The following GHR variants were observed in gnomAD, a reference collection of about 807,000 sequenced individuals.
GHR encodes growth hormone receptor, also known as GH receptor.
Under a neutral mutation model 67.1 loss-of-function variants are expected in GHR, and 35 were observed. The ratio of observed to expected loss-of-function variants is 0.52; its 90% CI spans 0.40 to 0.69. The LOEUF is 0.69. GHR is among the 30% of genes least tolerant of loss of function. The pLI, the probability that GHR is intolerant of heterozygous loss-of-function variation, is 0.00. For missense variants in GHR, 792 were observed against 764.6 expected, an observed-to-expected ratio of 1.04 and a Z score of -0.42; for synonymous variants, 272 against 269.1, an observed-to-expected ratio of 1.01 and a Z score of -0.10.
At chr5:42,657,379 A>G (rs550540861) in intron 3 of GHR, among the ~76,000 whole-genome samples, 41 of 152,314 alleles carry the variant, frequency 2.7e-4, no homozygotes, top group African/African-American at 9.9e-4. Context: ...TAGTGTTTTT[A>G]GAGTCCTTTT....
chr5:42,517,351 C>G (rs1747283130), intron 1 of GHR, among the ~76,000 whole-genome samples: 1 of 152,112 alleles, frequency 6.6e-6, no homozygotes, highest in Admixed American at 6.6e-5. Flanking sequence ...ATTGAAAGCT[C>G]CAGGAAGGCA....
At chr5:42,437,389 T>G (rs1222386647) in intron 1 of GHR, among the ~76,000 whole-genome samples, 1 of 152,190 alleles carries the variant, frequency 6.6e-6, no homozygotes, top group Non-Finnish European at 1.5e-5. Context: ...CCTCAGGGAC[T>G]ATTGGATGTC....
chr5:42,429,046 T>G (rs1252380784), intron 1 of GHR, among the ~76,000 whole-genome samples: 1 of 152,210 alleles, frequency 6.6e-6, no homozygotes, highest in Non-Finnish European at 1.5e-5. Flanking sequence ...CATTACCAAC[T>G]TACTATATTA....
chr5:42,708,255 T>C (rs941643549), intron 6 of GHR, among the ~76,000 whole-genome samples: 2 of 152,186 alleles, frequency 1.3e-5, no homozygotes, highest in Admixed American at 1.3e-4. Context: ...ATTTTCCTCA[T>C]TATTTATCTG....
chr5:42,617,898 A>G (rs888268183), intron 2 of GHR, among the ~76,000 whole-genome samples: 1 of 152,182 alleles, frequency 6.6e-6, no homozygotes, highest in African/African-American at 2.4e-5. Context: ...CCCTATAGCT[A>G]TGAAACTTTT....
intron 1 of GHR, among the ~76,000 whole-genome samples, chr5:42,496,650 C>T (rs1746333047): frequency 6.6e-6 from 1 of 152,150 alleles, no homozygotes; most frequent in African/African-American, 2.4e-5. Flanking sequence ...GTCTTCAAGA[C>T]AACTGGTACC....
chr5:42,457,912 C>G (rs1352900716), intron 1 of GHR, among the ~76,000 whole-genome samples: 1 of 152,188 alleles, frequency 6.6e-6, no homozygotes, highest in Non-Finnish European at 1.5e-5. Flanking sequence ...GCCTCTCTGC[C>G]TCAGTTTCTT....
At chr5:42,490,454 T>C (rs191304032) in intron 1 of GHR, among the ~76,000 whole-genome samples, 5 of 152,344 alleles carry the variant, frequency 3.3e-5, no homozygotes, top group African/African-American at 1.2e-4. Context: ...CATATGCCTC[T>C]TTGCTGTGCC....
At chr5:42,474,257 C>CAGAAAGAAAAGAAAGAA (rs1745146461) in intron 1 of GHR, among the ~76,000 whole-genome samples, 1 of 87,940 alleles carries the variant, frequency 1.1e-5, no homozygotes. Context: ...GAAAGACAGA[C>CAGAAAGAAAAGAAAGAA]AGAAAGAAAG....
intron 1 of GHR, among the ~76,000 whole-genome samples, chr5:42,432,507 C>G (rs915142487): frequency 6.6e-6 from 1 of 152,148 alleles, no homozygotes; most frequent in Non-Finnish European, 1.5e-5. Flanking sequence ...TCCTAATTCA[C>G]CCTATCAGCT....
At chr5:42,599,163 T>C (rs917322404) in intron 2 of GHR, among the ~76,000 whole-genome samples, 11 of 152,326 alleles carry the variant, frequency 7.2e-5, no homozygotes, top group African/African-American at 2.6e-4. Flanking sequence ...TAGTGTAAAC[T>C]TGGTCAATAC....
chr5:42,625,368 A>G (rs772261640), intron 2 of GHR, among the ~76,000 whole-genome samples: 2 of 152,150 alleles, frequency 1.3e-5, no homozygotes, highest in African/African-American at 2.4e-5. Flanking sequence ...TTCTCCTACT[A>G]TACTCTCATA....
At chr5:42,605,277 AT>A (rs1037714012) in intron 2 of GHR, among the ~76,000 whole-genome samples, 1 of 150,104 alleles carries the variant, frequency 6.7e-6, no homozygotes, top group African/African-American at 2.5e-5. Context: ...CTAATTTTGT[AT>A]TTTTTTTAGT....
At chr5:42,480,398 T>C (rs1745567351) in intron 1 of GHR, among the ~76,000 whole-genome samples, 1 of 152,222 alleles carries the variant, frequency 6.6e-6, no homozygotes, top group Non-Finnish European at 1.5e-5. Flanking sequence ...AGATGTCTAT[T>C]AGGTCCACTT....
intron 1 of GHR, among the ~76,000 whole-genome samples, chr5:42,442,294 G>C (rs1421279873): frequency 6.6e-6 from 1 of 152,152 alleles, no homozygotes. Flanking sequence ...CTCAGCTGAG[G>C]CTGATGATCA....
intron 1 of GHR, among the ~76,000 whole-genome samples, chr5:42,482,693 A>G (rs945935370): frequency 9.2e-5 from 14 of 152,188 alleles, no homozygotes; most frequent in Non-Finnish European, 1.6e-4. Flanking sequence ...GGTGCGGGAT[A>G]TAATCTCCTG....
chr5:42,570,363 G>A (rs894546074), intron 2 of GHR, among the ~76,000 whole-genome samples: 3 of 152,168 alleles, frequency 2.0e-5, no homozygotes, highest in Admixed American at 6.5e-5. Flanking sequence ...TTGTCCTCCT[G>A]ATATTGCAGA....
intron 2 of GHR, among the ~76,000 whole-genome samples, chr5:42,617,067 C>T (rs956526876): frequency 1.3e-5 from 2 of 151,814 alleles, no homozygotes; most frequent in Admixed American, 6.6e-5. Flanking sequence ...TTCCTGGGAG[C>T]GCAACCCCTA....
intron 1 of GHR, among the ~76,000 whole-genome samples, chr5:42,515,484 T>C (rs1466192057): frequency 6.6e-6 from 1 of 152,232 alleles, no homozygotes; most frequent in Non-Finnish European, 1.5e-5. Context: ...TCTTGGCTTC[T>C]AGGCACCAAG....
Sources: gnomAD v4.1 joint callset for allele counts (sites outside exome capture counted in the v4.1 genomes callset) on GRCh38, gnomAD v4.1.1 for gene constraint, MANE v1.5 for transcripts, NCBI Gene and HGNC (gene_info 2026-07-23, HGNC 2026-07-21) for gene names.